The following DNAH12 variants were observed in gnomAD, a reference collection of about 807,000 sequenced individuals.
DNAH12 encodes the protein dynein axonemal heavy chain 12, also known as axonemal beta dynein heavy chain 12.
Under a neutral mutation model 371.5 loss-of-function variants are expected in DNAH12, and 285 were observed. The observed-to-expected ratio is 0.77, with a 90% CI of 0.70 to 0.85. DNAH12 has a LOEUF of 0.85. Among genes scored for constraint, DNAH12 ranks in the 40% least tolerant of loss-of-function variants. The pLI is 0.00. For synonymous variants in DNAH12, 1,200 were observed against 1,213.0 expected (o/e 0.99, Z 0.22); for missense variants, 3,611 against 3,689.4 (o/e 0.98, Z 0.55).
intron 55 of DNAH12, among the ~76,000 whole-genome samples, chr3:57,369,708 GC>G (rs1335447866): frequency 1.3e-5 from 2 of 152,038 alleles, no homozygotes; most frequent in African/African-American, 4.8e-5. Flanking sequence ...ACTAGTAAAT[GC>G]TTTTAGTACC....
intron 11 of DNAH12, among the ~76,000 whole-genome samples, chr3:57,497,487 A>G (rs1488879700): frequency 6.6e-6 from 1 of 152,250 alleles, no homozygotes; most frequent in Non-Finnish European, 1.5e-5. Flanking sequence ...TTCAATGAGT[A>G]CAAGATAGTA....
rs566280088 is a variant in DNAH12, at chr3:57,421,306, ATAAAT to A, written c.5562+207_5562+211del. ...GGGAATTATTTAATAAAATGGAAAA[ATAAAT>A]TTAATTTAAATGTGAAATTATAAAA... On this transcript the variant is annotated intron_variant, in intron 36 of 73. Transcript: ENST00000495027. Among the ~76,000 whole-genome samples the A allele has an allele frequency of 4.6e-4, 70 of 152,318 alleles. 2 individuals carry two copies. In the South Asian group the frequency reaches 0.011, roughly 23 times the overall value.
chr3:57,356,527 A>G (rs1011905950), intron 59 of DNAH12, among the ~76,000 whole-genome samples: 20 of 151,730 alleles, frequency 1.3e-4, no homozygotes, highest in Admixed American at 5.9e-4. Flanking sequence ...GAAGCCTTTT[A>G]GAGACCTCAG....
chr3:57,331,349 C>A (rs1032661211), intron 62 of DNAH12, among the ~76,000 whole-genome samples: 1 of 152,122 alleles, frequency 6.6e-6, no homozygotes, highest in Non-Finnish European at 1.5e-5. Context: ...TCGTCATGAA[C>A]AAGGGAGGCT....
chr3:57,541,927 T>G (rs1441497387), intron 2 of DNAH12, among the ~76,000 whole-genome samples: 1 of 151,972 alleles, frequency 6.6e-6, no homozygotes, highest in Non-Finnish European at 1.5e-5. Context: ...GGAAAGAGAA[T>G]GTAGAAAGGG....
chr3:57,449,212 A>G (rs2065653861), intron 25 of DNAH12, among the ~76,000 whole-genome samples: 2 of 151,592 alleles, frequency 1.3e-5, no homozygotes, highest in South Asian at 2.1e-4. Flanking sequence ...TGATTGGTGT[A>G]TTTACAATCC....
At chr3:57,294,544 C>T (rs941311162) in intron 73 of DNAH12, among the ~76,000 whole-genome samples, 1 of 151,918 alleles carries the variant, frequency 6.6e-6, no homozygotes, top group Non-Finnish European at 1.5e-5. Context: ...AAGTTCTGAC[C>T]GCTTAGCAGG....
At chr3:57,368,955 CCAGCGCTTTGGGAGGCCAAGACGGG>C (rs1428561814) in intron 55 of DNAH12, among the ~76,000 whole-genome samples, 1 of 151,956 alleles carries the variant, frequency 6.6e-6, no homozygotes, top group Non-Finnish European at 1.5e-5. Flanking sequence ...GCCTATAATG[CCAGCGCTTTGGGAGGCCAAGACGGG>C]CAGATCACCC....
chr3:57,503,943 T>C (rs566288267), intron 9 of DNAH12, 73 bp downstream of exon 9: 7 of 1,173,002 alleles, frequency 6.0e-6, no homozygotes, highest in Non-Finnish European at 8.3e-6. Context: ...TAACATTGTA[T>C]GTACACATAC....
At chr3:57,533,624 C>T (rs559306630) in intron 2 of DNAH12, among the ~76,000 whole-genome samples, 3 of 152,264 alleles carry the variant, frequency 2.0e-5, no homozygotes, top group Admixed American at 6.5e-5. Flanking sequence ...TTCTGGCCAA[C>T]GATGTGTCAA....
At chr3:57,481,376 C>A (rs1251140913) in intron 13 of DNAH12, among the ~76,000 whole-genome samples, 1 of 152,070 alleles carries the variant, frequency 6.6e-6, no homozygotes, top group Non-Finnish European at 1.5e-5. Flanking sequence ...ACATGAAGGA[C>A]CTCTTCAAGG....
At chr3:57,481,576 A>C (rs559240178) in intron 13 of DNAH12, among the ~76,000 whole-genome samples, 4 of 152,290 alleles carry the variant, frequency 2.6e-5, no homozygotes, top group Admixed American at 6.5e-5. Flanking sequence ...ACTACTTTGA[A>C]GTTCATATGG....
chr3:57,344,121 A>G (rs1210726225), intron 60 of DNAH12, among the ~76,000 whole-genome samples: 2 of 152,278 alleles, frequency 1.3e-5, no homozygotes, highest in East Asian at 1.9e-4. Flanking sequence ...TTGTTTCTCT[A>G]TACTTTGTCT....
At chr3:57,522,698 A>G (rs1314622672) in intron 4 of DNAH12, among the ~76,000 whole-genome samples, 1 of 152,182 alleles carries the variant, frequency 6.6e-6, no homozygotes, top group African/African-American at 2.4e-5. Flanking sequence ...CCCCATCTGA[A>G]AACATGCTGC....
At chr3:57,337,355 T>C (rs1258231794) in intron 60 of DNAH12, among the ~76,000 whole-genome samples, 3 of 150,150 alleles carry the variant, frequency 2.0e-5, no homozygotes, top group Non-Finnish European at 4.4e-5. Context: ...ATAATAAAAT[T>C]TTTGTAAAAG....
At chr3:57,506,392 G>A (rs964083638) in intron 8 of DNAH12, among the ~76,000 whole-genome samples, 1 of 151,502 alleles carries the variant, frequency 6.6e-6, no homozygotes, top group Non-Finnish European at 1.5e-5. Flanking sequence ...TACAAATCAG[G>A]GTAATTATCT....
chr3:57,473,642 C>T (rs544998843), intron 13 of DNAH12, among the ~76,000 whole-genome samples: 1 of 151,334 alleles, frequency 6.6e-6, no homozygotes, highest in East Asian at 1.9e-4. Context: ...AATACAGATT[C>T]AAAGGCAAAT....
chr3:57,400,947 A>T (rs2063843807), intron 43 of DNAH12, among the ~76,000 whole-genome samples: 1 of 152,220 alleles, frequency 6.6e-6, no homozygotes, highest in Admixed American at 6.5e-5. Context: ...ATTCTCTAGG[A>T]TAGACCACAT....
upstream of DNAH12, chr3:57,548,948 T>A (rs2069598189): frequency 6.6e-6 from 1 of 152,144 alleles, no homozygotes; most frequent in Non-Finnish European, 1.5e-5. Context: ...ATAGTTTTTT[T>A]AAAAAAAGAT....
Sources: gnomAD v4.1 joint callset for allele counts (sites outside exome capture counted in the v4.1 genomes callset) on GRCh38, gnomAD v4.1.1 for gene constraint, MANE v1.5 for transcripts, NCBI Gene and HGNC (gene_info 2026-07-23, HGNC 2026-07-21) for gene names.